The following SEM1 variants were observed in gnomAD, a reference collection of about 807,000 sequenced individuals.
SEM1 encodes the protein SEM1 26S proteasome subunit, also known as 26S proteasome complex subunit SEM1.
In SEM1, 3 loss-of-function variants were observed where a neutral mutation model predicts 12.7. The observed-to-expected ratio is 0.24, with a 90% confidence interval of 0.11 to 0.61. SEM1 has a LOEUF of 0.61. Ranked by LOEUF, SEM1 falls within the 20% of genes least tolerant of loss-of-function variation. The pLI is 0.88. For synonymous variants in SEM1, 30 were observed against 27.8 expected, an observed-to-expected ratio of 1.08 and a Z score of -0.25; for missense variants, 59 against 81.3, an observed-to-expected ratio of 0.73 and a Z score of 1.06.
chr7:96,697,145 T>G (rs1790122320), intron 1 of SEM1: 1 of 151,466 alleles, frequency 6.6e-6, no homozygotes, highest in Non-Finnish European at 1.5e-5. Context: ...TGCTTCAATG[T>G]GTATGCCTCC....
At chr7:96,560,225 C>T (rs2115909453) in intron 2 of SEM1, among the ~76,000 whole-genome samples, 1 of 152,206 alleles carries the variant, frequency 6.6e-6, no homozygotes, top group South Asian at 2.1e-4. Context: ...AAAAGGTATA[C>T]ACACTTTAAC....
chr7:96,557,604 C>G (rs1442792540), intron 2 of SEM1, among the ~76,000 whole-genome samples: 1 of 97,120 alleles, frequency 1.0e-5, no homozygotes, highest in African/African-American at 2.8e-5. Flanking sequence ...AGCTGTCAGA[C>G]AGGGACATTT....
intron 2 of SEM1, among the ~76,000 whole-genome samples, chr7:96,593,445 CT>C (rs1482485695): frequency 6.6e-6 from 1 of 152,144 alleles, no homozygotes; most frequent in African/African-American, 2.4e-5. Context: ...TAAAACATTT[CT>C]CTTACAGCCA....
At chr7:96,531,049 G>A (rs1804624697) in intron 2 of SEM1, among the ~76,000 whole-genome samples, 1 of 151,928 alleles carries the variant, frequency 6.6e-6, no homozygotes, top group Admixed American at 6.6e-5. Flanking sequence ...TGGGGGAAGG[G>A]AAAAAGACTA....
At position 96,693,760 on chromosome 7, in the gene SEM1, TTGTGTG is replaced by T. The variant is rs566641071; in HGVS notation, c.170+1032_170+1037del. Among the ~76,000 whole-genome samples the T allele has an allele frequency of 1.4e-4, 19 of 139,642 alleles. No individual in the cohort carries two copies. The East Asian group carries it at 2.5e-3, about 18-fold the overall frequency. 91.6% of individuals were successfully genotyped at this position (139,642 alleles called of 152,430 possible). On this transcript the variant is annotated intron_variant, in intron 2 of 2. Transcript: ENST00000248566. ...TTAACGTATGACCCAACAATTCCAC[TTGTGTG>T]TGTGTGTGTGTGTGTGTGTGTGTGT... is the stretch of plus-strand genomic sequence containing the variant.
chr7:96,511,183 T>G (rs1803923287), intron 2 of SEM1, among the ~76,000 whole-genome samples: 1 of 152,156 alleles, frequency 6.6e-6, no homozygotes, highest in Admixed American at 6.6e-5. Flanking sequence ...ATCACAGTTT[T>G]TAGAACGTAA....
At chr7:96,679,264 T>A (rs1432871223) in intron 2 of SEM1, among the ~76,000 whole-genome samples, 1 of 152,116 alleles carries the variant, frequency 6.6e-6, no homozygotes, top group African/African-American at 2.4e-5. Context: ...GTTCTTCTCA[T>A]AAAATCAGTA....
chr7:96,623,582 A>G (rs1393599239), intron 2 of SEM1, among the ~76,000 whole-genome samples: 1 of 148,218 alleles, frequency 6.7e-6, no homozygotes, highest in African/African-American at 2.5e-5. Context: ...CTTGTTTATT[A>G]TATATAAATA....
At chr7:96,664,124 ATC>A (rs1789096650) in intron 2 of SEM1, 2 of 152,182 alleles carry the variant, frequency 1.3e-5, no homozygotes, top group African/African-American at 4.8e-5. Context: ...TTAGTTATAT[ATC>A]TGTTTGCTTT....
intron 2 of SEM1, among the ~76,000 whole-genome samples, chr7:96,613,815 C>T (rs945496245): frequency 3.3e-5 from 5 of 152,172 alleles, no homozygotes; most frequent in African/African-American, 9.7e-5. Flanking sequence ...CACTATGCCT[C>T]GCTTATTTCA....
intron 2 of SEM1, among the ~76,000 whole-genome samples, chr7:96,509,624 C>A (rs1314013303): frequency 6.6e-6 from 1 of 151,970 alleles, no homozygotes; most frequent in Non-Finnish European, 1.5e-5. Flanking sequence ...TCACAGTAGC[C>A]AAAAGGTAGA....
upstream of SEM1, among the ~76,000 whole-genome samples, chr7:96,496,825 T>C (rs924876262): frequency 3.9e-5 from 6 of 152,140 alleles, no homozygotes; most frequent in African/African-American, 1.4e-4. Flanking sequence ...CAAGGGCATT[T>C]TTTTAAAGTC....
intron 2 of SEM1, among the ~76,000 whole-genome samples, chr7:96,516,681 T>C (rs2115591812): frequency 6.6e-6 from 1 of 152,274 alleles, no homozygotes; most frequent in South Asian, 2.1e-4. Flanking sequence ...TAATGCTTTC[T>C]TACAAAACTA....
At chr7:96,695,586 A>C (rs779188075) in intron 1 of SEM1, 5 of 151,904 alleles carry the variant, frequency 3.3e-5, no homozygotes, top group Admixed American at 6.6e-5. Flanking sequence ...GCCTGGAAAT[A>C]GAAATTATCT....
intron 2 of SEM1, among the ~76,000 whole-genome samples, chr7:96,674,067 T>C (rs910728576): frequency 1.3e-5 from 2 of 152,150 alleles, no homozygotes; most frequent in Non-Finnish European, 2.9e-5. Context: ...ATAAGCCTAA[T>C]GGTCATTCTT....
intron 2 of SEM1, among the ~76,000 whole-genome samples, chr7:96,556,342 C>G (rs1446102103): frequency 6.6e-6 from 1 of 151,952 alleles, no homozygotes; most frequent in Non-Finnish European, 1.5e-5. Flanking sequence ...TTGTTCCTTT[C>G]CATGTTTAGC....
At chr7:96,482,735 A>C (rs1049535727) in exon 4 of SEM1, 1 of 152,220 alleles carries the variant, frequency 6.6e-6, no homozygotes, top group East Asian at 1.9e-4. Flanking sequence ...TTCCTAATGG[A>C]TATGGCAGAA....
chr7:96,484,843 C>G, exon 3 of SEM1: 1 of 1,287,930 alleles, frequency 7.8e-7, no homozygotes, highest in Non-Finnish European at 1.0e-6. Flanking sequence ...CTTCTTTTTT[C>G]TTGAGGTGGA....
At chr7:96,591,028 T>C (rs1294324461) in intron 2 of SEM1, among the ~76,000 whole-genome samples, 1 of 152,192 alleles carries the variant, frequency 6.6e-6, no homozygotes, top group Non-Finnish European at 1.5e-5. Flanking sequence ...CATTACTTGT[T>C]TAGAGAAGTG....
Sources: gnomAD v4.1 joint callset for allele counts (sites outside exome capture counted in the v4.1 genomes callset) on GRCh38, gnomAD v4.1.1 for gene constraint, MANE v1.5 for transcripts, NCBI Gene and HGNC (gene_info 2026-07-23, HGNC 2026-07-21) for gene names.